MAPT: variants seen among roughly 807,000 people sequenced by gnomAD.
MAPT encodes the protein microtubule-associated protein tau.
A neutral mutation model predicts 67.9 loss-of-function variants in MAPT; 34 were observed. The ratio of observed to expected loss-of-function variants is 0.50; its 90% CI spans 0.38 to 0.67. The LOEUF (loss-of-function observed/expected upper bound fraction) is 0.67, where lower values mean the gene tolerates loss of function less well. MAPT is among the 30% of genes least tolerant of loss of function. The pLI, the probability that MAPT is intolerant of heterozygous loss-of-function variation, is 0.00. For missense variants in MAPT, 881 were observed against 1,115.2 expected (o/e 0.79, Z 2.99); for synonymous variants, 456 against 464.5 (o/e 0.98, Z 0.23).
rs1251618306 is a variant in MAPT at position 45,982,978 on chromosome 17, G to A, written c.399G>A (p.Gly133=). The A allele has an allele frequency of 2.1e-6, 3 of 1,437,114 alleles. No individual in the cohort carries two copies. Among genetic ancestry groups the A allele is most frequent in the Non-Finnish European group, 1.8e-6 (2 of 1,098,540 alleles). 89.0% of individuals were successfully genotyped at this position (1,437,114 alleles called of 1,614,324 possible). The change falls in exon 5 of 13, where the codon GGG becomes GGA. Residue 133 remains glycine, a synonymous_variant. Transcript: ENST00000262410. ...GCGGAGAGGCCTCTGGGGTCTCTGG[G>A]CCGTGCCTCGGGGAGAAAGAGCCAG... ...GPCGEASGVS[G]PCLGEKEPEA...
chr17:45,983,139 C>A lies in MAPT; in HGVS notation c.560C>A (p.Ala187Asp), dbSNP rs778964210. Residue 187 changes from alanine to aspartate, a missense_variant, in exon 5 of 13, where the codon GCC (alanine) becomes GAC (aspartate). Coordinates refer to ENST00000262410, the MANE Select transcript of MAPT (RefSeq NM_001377265.1). ...GGGGACTGGGCCGAGAAGGGTCCGG[C>A]CTTTCCGAAGCCCGCCACCACTGCG... The part of the protein sequence containing the change: ...KGGDWAEKGP[A>D]FPKPATTAYL... The A allele has an allele frequency of 7.5e-6, 12 of 1,590,064 alleles. No individual in the cohort carries two copies. The highest frequency in any genetic ancestry group is 1.0e-5 in the Non-Finnish European group (12 of 1,167,864).
At chr17:45,901,255 A>G (rs2063591265) in intron 1 of MAPT, among the ~76,000 whole-genome samples, 1 of 152,194 alleles carries the variant, frequency 6.6e-6, no homozygotes, top group East Asian at 1.9e-4. Flanking sequence ...CCACCAGCCC[A>G]AACTGACCTG....
intron 1 of MAPT, among the ~76,000 whole-genome samples, chr17:45,954,358 T>C (rs146198615): frequency 3.9e-5 from 6 of 152,336 alleles, no homozygotes; most frequent in African/African-American, 1.4e-4. Flanking sequence ...GTGCCGACTC[T>C]TGACCTTAAC....
intron 1 of MAPT, among the ~76,000 whole-genome samples, chr17:45,961,709 A>C (rs1389147180): frequency 1.3e-5 from 2 of 151,912 alleles, no homozygotes; most frequent in East Asian, 3.9e-4. Flanking sequence ...AATGAAGTGG[A>C]AAGAGAGCTG....
At chr17:45,950,681 A>T (rs1024195099) in intron 1 of MAPT, among the ~76,000 whole-genome samples, 4 of 151,882 alleles carry the variant, frequency 2.6e-5, no homozygotes, top group African/African-American at 4.8e-5. Flanking sequence ...TTATTTATGT[A>T]TTTTTTGAGA....
intron 1 of MAPT, among the ~76,000 whole-genome samples, chr17:45,913,905 C>T (rs906825035): frequency 6.6e-6 from 1 of 152,102 alleles, no homozygotes; most frequent in Non-Finnish European, 1.5e-5. Flanking sequence ...CTTGGGCTTT[C>T]ATGATGCTCA....
rs902668086 is a variant in MAPT, at chr17:45,906,088, C to A, written c.-18+11402C>A. ...TGGCCACAGCCCAGCCTGCACTGAT[C>A]TTGTCTGTCCCCTTCTTTGGAAGGA... On this transcript the variant is annotated intron_variant, in intron 1 of 12. Coordinates refer to ENST00000262410, the MANE Select transcript of MAPT (RefSeq NM_001377265.1). This position sits in a 1 kb window ranked among gnomAD's most constrained non-coding sequence, Gnocchi z 4.3. Among the ~76,000 whole-genome samples the A allele has an allele frequency of 2.6e-5, 4 of 152,200 alleles. No individual in the cohort carries two copies. Among genetic ancestry groups the A allele is most frequent in the African/African-American group, 9.7e-5 (4 of 41,434 alleles).
chr17:45,928,131 A>G (rs903459742), intron 1 of MAPT, among the ~76,000 whole-genome samples: 22 of 151,846 alleles, frequency 1.4e-4, no homozygotes, highest in African/African-American at 5.1e-4. Flanking sequence ...CAGTTGTCTC[A>G]GTTAACAAGG....
chr17:45,958,503 T>G (rs1318480357), intron 1 of MAPT, among the ~76,000 whole-genome samples: 1 of 152,162 alleles, frequency 6.6e-6, no homozygotes. Flanking sequence ...GCGGATCACT[T>G]GATCCCAGGA....
At chr17:45,961,745 C>G (rs1172986616) in intron 1 of MAPT, among the ~76,000 whole-genome samples, 1 of 151,488 alleles carries the variant, frequency 6.6e-6, no homozygotes, top group African/African-American at 2.4e-5. Context: ...GCCCACCTCA[C>G]CTGCCTCACC....
rs2073251490 is a variant in MAPT at position 45,983,793 on chromosome 17, C to G, written c.1214C>G (p.Ala405Gly). ...TTGGGAAGGGCTGCATTTCCAGGGG[C>G]CCCTGGAGAGGGGCCAGAGGCCCGG... is the stretch of plus-strand genomic sequence containing the variant. ...EHLGRAAFPGAPGEGPEARGP... is the reference protein window; with the variant it reads ...EHLGRAAFPGGPGEGPEARGP... The change falls in exon 5 of 13, where the codon GCC becomes GGC. Residue 405 changes from alanine to glycine, a missense_variant. By Grantham distance (60) the Ala-to-Gly change is moderately conservative. Around this residue, in one of 6 missense-constraint regions of MAPT, gnomAD observed 687 missense variants for 766.1 expected, o/e 0.90. Transcript: ENST00000262410. 4 of 1,613,776 alleles carry G rather than the reference C, an allele frequency of 2.5e-6. No individual in the cohort carries two copies. In the African/African-American group the frequency reaches 4.0e-5, roughly 16 times the overall value.
intron 1 of MAPT, chr17:45,907,761 T>C (rs1313432117): frequency 6.6e-6 from 1 of 152,254 alleles, no homozygotes; most frequent in Non-Finnish European, 1.5e-5. Context: ...AGTTTTGCTA[T>C]ACGAAGATGC....
intron 11 of MAPT, among the ~76,000 whole-genome samples, chr17:46,015,653 C>T (rs1011933603): frequency 2.6e-5 from 4 of 151,980 alleles, no homozygotes; most frequent in African/African-American, 9.7e-5. Flanking sequence ...AGTGAGACTC[C>T]GTCTCAAAAC....
intron 11 of MAPT, 75 bp from the exon 12 acceptor site, chr17:46,018,543 C>T: frequency 9.0e-7 from 1 of 1,113,778 alleles, no homozygotes; most frequent in Non-Finnish European, 1.4e-6. Flanking sequence ...GACTGCAGAC[C>T]TCATGTAATG....
chr17:45,998,879 A>G (rs1396226096), intron 9 of MAPT, among the ~76,000 whole-genome samples: 2 of 150,958 alleles, frequency 1.3e-5, no homozygotes, highest in African/African-American at 4.9e-5. Flanking sequence ...GGTGCTGCCC[A>G]AGACCCCAGA....
At chr17:45,938,314 T>A (rs1009530446) in intron 1 of MAPT, among the ~76,000 whole-genome samples, 1 of 152,220 alleles carries the variant, frequency 6.6e-6, no homozygotes, top group Non-Finnish European at 1.5e-5. Context: ...ATTCCTTGGC[T>A]CATGATCTTC....
Position 45,996,177 on chromosome 17 carries a change from G to A in MAPT, c.1733-222G>A, listed in dbSNP as rs2074452651. 6.6e-6 allele frequency among the ~76,000 whole-genome samples: 1 copy of A among 152,142 alleles called. No homozygotes were observed. Among genetic ancestry groups the A allele is most frequent in the Non-Finnish European group, 1.5e-5 (1 of 68,028 alleles). ...GGATGGTGGTTGATGGTTTTCCATTGCTTTCCTGGGAAAGGGGTGTCTCTG... is the reference window on the plus strand; with the variant it reads ...GGATGGTGGTTGATGGTTTTCCATTACTTTCCTGGGAAAGGGGTGTCTCTG... On this transcript the variant is annotated intron_variant, in intron 8 of 12. Transcript: ENST00000262410. This position sits in a 1 kb window ranked among gnomAD's most constrained non-coding sequence, Gnocchi z 4.5.
chr17:45,952,469 T>C (rs145127278), intron 1 of MAPT, among the ~76,000 whole-genome samples: 20 of 152,080 alleles, frequency 1.3e-4, no homozygotes, highest in African/African-American at 4.8e-4. Flanking sequence ...GAAAAACCCA[T>C]ACAAAATAAA....
intron 10 of MAPT, among the ~76,000 whole-genome samples, chr17:46,012,721 T>C (rs1303810986): frequency 6.6e-6 from 1 of 151,474 alleles, no homozygotes; most frequent in Non-Finnish European, 1.5e-5. Context: ...TCCACTCCTC[T>C]CCTTTCTGGC....
Sources: gnomAD v4.1 joint callset for allele counts (sites outside exome capture counted in the v4.1 genomes callset) on GRCh38, gnomAD v4.1.1 for gene constraint, gnomAD v4.1.1 regional missense constraint, Gnocchi (gnomAD v3.1) non-coding constraint, MANE v1.5 for transcripts, NCBI Gene and HGNC (gene_info 2026-07-23, HGNC 2026-07-21) for gene names.